STAB2: variants seen among roughly 807,000 people sequenced by gnomAD.
STAB2 encodes the protein stabilin-2.
STAB2 carries 288 observed loss-of-function variants against 338.1 expected under a neutral mutation model. That is an observed-to-expected ratio of 0.85 (90% CI 0.77 to 0.94). The LOEUF is 0.94. STAB2 is among the 40% of genes least tolerant of loss of function. STAB2 has a pLI of 0.00. For missense variants in STAB2, 3,141 were observed against 3,210.1 expected, an observed-to-expected ratio of 0.98 and a Z score of 0.52; for synonymous variants, 1,202 against 1,193.3, an observed-to-expected ratio of 1.01 and a Z score of -0.15.
intron 60 of STAB2, among the ~76,000 whole-genome samples, chr12:103,751,976 G>A (rs978033548): frequency 6.6e-6 from 1 of 152,052 alleles, no homozygotes; most frequent in Non-Finnish European, 1.5e-5. Context: ...AGGAGGAAGC[G>A]CCTGCCCTCA....
At chr12:103,607,457 T>A (rs1269939770) in intron 3 of STAB2, among the ~76,000 whole-genome samples, 1 of 145,280 alleles carries the variant, frequency 6.9e-6, no homozygotes, top group Non-Finnish European at 1.5e-5. Context: ...TACATATGTA[T>A]ACGTGTGCCA....
chr12:103,743,736 C>T (rs190265858), intron 56 of STAB2, among the ~76,000 whole-genome samples: 12 of 152,298 alleles, frequency 7.9e-5, no homozygotes, highest in Non-Finnish European at 1.0e-4. Context: ...ACCAGAGGAA[C>T]AGCTTTCCTC....
intron 3 of STAB2, among the ~76,000 whole-genome samples, chr12:103,611,676 G>A (rs1287953551): frequency 6.6e-6 from 1 of 152,170 alleles, no homozygotes; most frequent in East Asian, 1.9e-4. Context: ...GGAGCATTTA[G>A]CCCATTTACA....
chr12:103,683,851 C>T (rs778869845), intron 26 of STAB2, among the ~76,000 whole-genome samples: 25 of 152,126 alleles, frequency 1.6e-4, no homozygotes, highest in African/African-American at 2.4e-4. Context: ...TTCAAAAGAA[C>T]GCTAAGCACC....
chr12:103,603,693 A>G lies in STAB2; in HGVS notation c.331+9183A>G, dbSNP rs1198909938. On this transcript the variant is annotated intron_variant, in intron 3 of 68. Coordinates refer to ENST00000388887, the MANE Select transcript of STAB2 (RefSeq NM_017564.10). ...TTTTCAAAATTATTTTGCTTATTCT[A>G]GTACCTTTGCTTTTCCATTCAAGTT... is the stretch of plus-strand genomic sequence containing the variant. Among the ~76,000 whole-genome samples the G allele has an allele frequency of 4.7e-5, 7 of 150,220 alleles. No individual in the cohort carries two copies. The Admixed American group carries it at 4.8e-4, about 10-fold the overall frequency.
chr12:103,662,987 G>C lies in STAB2; in HGVS notation c.2011G>C (p.Glu671Gln). 1 of 1,614,052 alleles carries C rather than the reference G, an allele frequency of 6.2e-7. No homozygotes were observed. Among genetic ancestry groups the C allele is most frequent in the Non-Finnish European group, 8.5e-7 (1 of 1,179,972 alleles). ...CCATCGATGTGATGAAACAAAGAGA[G>C]AGATGAAACTGGTAAGAAAACTAGG... ...LPHRCDETKR[E>Q]MKLGTCVSCS... The change falls in exon 18 of 69, where the codon GAG (glutamate) becomes CAG (glutamine). Residue 671 changes from glutamate to glutamine, a missense_variant. By Grantham distance (29) the Glu-to-Gln change is conservative (BLOSUM62 2). Coordinates refer to ENST00000388887, the MANE Select transcript of STAB2 (RefSeq NM_017564.10).
rs77977037 is a variant in STAB2, at chr12:103,765,250, T to C, written c.7606-1036T>C. ...GCCTTCCCTGTTGTCTGTCCCCTTC[T>C]GAGGGCTCTATCAGCACCATGCATG... On this transcript the variant is annotated intron_variant, in intron 68 of 68. Transcript: ENST00000388887. 6.3e-3 allele frequency among the ~76,000 whole-genome samples: 956 copies of C among 152,312 alleles called. 13 individuals carry two copies. Among genetic ancestry groups the C allele is most frequent in the African/African-American group, 0.022 (926 of 41,562 alleles).
intron 3 of STAB2, among the ~76,000 whole-genome samples, chr12:103,617,159 C>A (rs1449726454): frequency 6.6e-6 from 1 of 152,172 alleles, no homozygotes; most frequent in African/African-American, 2.4e-5. Context: ...AGCTCTAGAT[C>A]TCTTCCCCTG....
Position 103,665,552 on chromosome 12 carries a change from C to T in STAB2, c.2023-739C>T, listed in dbSNP as rs142826513. ...ACCTGAACCCAGTGAGAGCAGGAAG[C>T]GTGGAAGAGGTGACCTCCTTCAGGA... On this transcript the variant is annotated intron_variant, in intron 18 of 68. Coordinates refer to ENST00000388887, the MANE Select transcript of STAB2 (RefSeq NM_017564.10). Among the ~76,000 whole-genome samples the T allele has an allele frequency of 7.9e-5, 12 of 152,198 alleles. No individual in the cohort carries two copies. The East Asian group carries it at 1.9e-3, about 24-fold the overall frequency.
chr12:103,614,807 T>C (rs904586931), intron 3 of STAB2, among the ~76,000 whole-genome samples: 1 of 152,224 alleles, frequency 6.6e-6, no homozygotes, highest in Non-Finnish European at 1.5e-5. Context: ...TTTAGGACAT[T>C]CTACATAAAT....
At chr12:103,617,329 G>A (rs188909749) in intron 3 of STAB2, among the ~76,000 whole-genome samples, 17 of 152,284 alleles carry the variant, frequency 1.1e-4, no homozygotes, top group Admixed American at 3.9e-4. Flanking sequence ...AAACAAGTAC[G>A]AGTAATTTAT....
At chr12:103,650,362 C>T (rs1565984337) in intron 10 of STAB2, 134 bp from the exon 11 acceptor site, 2 of 635,550 alleles carry the variant, frequency 3.1e-6, no homozygotes, top group Non-Finnish European at 5.6e-6. Flanking sequence ...GACACAGGGC[C>T]TACACATGCC....
At chr12:103,685,473 CGTGCGCGCATGTGTGTGTGT>C (rs1877344878) in intron 27 of STAB2, among the ~76,000 whole-genome samples, 3 of 137,788 alleles carry the variant, frequency 2.2e-5, no homozygotes, top group African/African-American at 7.6e-5. Context: ...TGTGTGTGTG[CGTGCGCGCATGTGTGTGTGT>C]GTGTACACAC....
intron 58 of STAB2, among the ~76,000 whole-genome samples, chr12:103,746,974 G>A (rs1171114745): frequency 5.5e-5 from 6 of 109,422 alleles, no homozygotes; most frequent in Admixed American, 4.8e-4. Flanking sequence ...TTTTTTTTCC[G>A]AGATGGACTT....
intron 33 of STAB2, among the ~76,000 whole-genome samples, chr12:103,696,440 G>A (rs74705464): frequency 0.035 from 5,252 of 152,218 alleles, 145 homozygotes; most frequent in East Asian, 0.12. Flanking sequence ...GGCCCTTCCC[G>A]TATAAAAATT....
Position 103,677,501 on chromosome 12 carries a change from C to T in STAB2, c.2695C>T (p.Gln899Ter). 1 of 1,614,066 alleles carries T rather than the reference C, an allele frequency of 6.2e-7. No individual in the cohort carries two copies. Among genetic ancestry groups the T allele is most frequent in the South Asian group, 1.1e-5 (1 of 91,074 alleles). ...GGGCACCCACACCTGCGTGTGTCAG[C>T]AGGGTTGGACAGGGAATGGGAGAGA... ...GTGTHTCVCQQGWTGNGRDCS... is the reference protein window; with the variant it reads ...GTGTHTCVCQ The change falls in exon 25 of 69, where the codon CAG (glutamine) becomes TAG (stop). Residue 899 changes from glutamine to a stop codon, truncating the protein, a stop_gained. Transcript: ENST00000388887. LOFTEE classifies it high-confidence loss of function.
chr12:103,754,329 A>C (rs918029440), intron 61 of STAB2, among the ~76,000 whole-genome samples: 2 of 152,110 alleles, frequency 1.3e-5, no homozygotes, highest in Non-Finnish European at 2.9e-5. Flanking sequence ...TCAATTTTTA[A>C]GATTATTAAA....
At chr12:103,731,515 G>C (rs1449979678) in intron 49 of STAB2, 61 bp from the exon 50 acceptor site, 2 of 1,573,206 alleles carry the variant, frequency 1.3e-6, no homozygotes, top group Non-Finnish European at 8.7e-7. Flanking sequence ...TTGAGCTCTT[G>C]TTAAATTCCT....
chr12:103,605,277 T>G (rs1159943417), intron 3 of STAB2, among the ~76,000 whole-genome samples: 1 of 151,942 alleles, frequency 6.6e-6, no homozygotes, highest in Non-Finnish European at 1.5e-5. Flanking sequence ...TCTATTGTGG[T>G]CAGAACACAT....
Sources: gnomAD v4.1 joint callset for allele counts (sites outside exome capture counted in the v4.1 genomes callset) on GRCh38, gnomAD v4.1.1 for gene constraint, MANE v1.5 for transcripts, NCBI Gene and HGNC (gene_info 2026-07-23, HGNC 2026-07-21) for gene names.